Variants in VAV3 observed in about 807,000 individuals in gnomAD.
The protein encoded by VAV3 is vav guanine nucleotide exchange factor 3, also known as guanine nucleotide exchange factor VAV3.
A neutral mutation model predicts 131.2 loss-of-function variants in VAV3; 94 were observed. The observed-to-expected ratio is 0.72, with a 90% CI of 0.61 to 0.85. The LOEUF (loss-of-function observed/expected upper bound fraction) is 0.85, where lower values mean the gene tolerates loss of function less well. Among genes scored for constraint, VAV3 ranks in the 40% least tolerant of loss-of-function variants. The pLI is 0.00. For synonymous variants in VAV3, 349 were observed against 342.0 expected, an observed-to-expected ratio of 1.02 and a Z score of -0.22; for missense variants, 939 against 1,002.7, an observed-to-expected ratio of 0.94 and a Z score of 0.86.
intron 1 of VAV3, among the ~76,000 whole-genome samples, chr1:107,926,689 A>G (rs1488608808): frequency 6.6e-6 from 1 of 152,170 alleles, no homozygotes; most frequent in Admixed American, 6.5e-5. Context: ...TTGCCCCATC[A>G]CAGCAGAAAT....
chr1:107,881,181 G>A (rs1383233821), intron 1 of VAV3, among the ~76,000 whole-genome samples: 1 of 152,058 alleles, frequency 6.6e-6, no homozygotes, highest in Non-Finnish European at 1.5e-5. Flanking sequence ...GACAAGACAA[G>A]GACAACCAGG....
At chr1:107,925,786 T>C (rs376332911) in intron 1 of VAV3, among the ~76,000 whole-genome samples, 30 of 152,126 alleles carry the variant, frequency 2.0e-4, no homozygotes, top group African/African-American at 7.0e-4. Flanking sequence ...TGTGGACACA[T>C]ACTTAATGCT....
At chr1:107,897,718 T>C (rs1211379779) in intron 1 of VAV3, among the ~76,000 whole-genome samples, 4 of 152,134 alleles carry the variant, frequency 2.6e-5, no homozygotes, top group African/African-American at 4.8e-5. Flanking sequence ...TGAGACAGCA[T>C]GCTGGTACTT....
chr1:107,872,543 A>T (rs1386354502), intron 2 of VAV3, among the ~76,000 whole-genome samples: 1 of 152,194 alleles, frequency 6.6e-6, no homozygotes, highest in Non-Finnish European at 1.5e-5. Flanking sequence ...TTTGTTTCTG[A>T]ATTAACACTA....
intron 25 of VAV3, among the ~76,000 whole-genome samples, chr1:107,578,205 A>G (rs1274168142): frequency 6.6e-6 from 1 of 152,208 alleles, no homozygotes; most frequent in African/African-American, 2.4e-5. Flanking sequence ...CATTAATGAC[A>G]GACTTTTCTC....
At chr1:107,893,921 A>C (rs1571105346) in intron 1 of VAV3, among the ~76,000 whole-genome samples, 1 of 152,204 alleles carries the variant, frequency 6.6e-6, no homozygotes, top group East Asian at 1.9e-4. Flanking sequence ...CTTTCATGAA[A>C]TAAATGTCAG....
intron 2 of VAV3, among the ~76,000 whole-genome samples, chr1:107,782,753 G>A (rs1381188490): frequency 3.3e-5 from 5 of 152,140 alleles, no homozygotes; most frequent in East Asian, 3.8e-4. Flanking sequence ...AAGCGTATCC[G>A]GATTTGGAAT....
At chr1:107,753,542 A>ACATATATATATATG (rs1557822167) in intron 12 of VAV3, among the ~76,000 whole-genome samples, 4 of 100,050 alleles carry the variant, frequency 4.0e-5, no homozygotes, top group African/African-American at 7.1e-5. Flanking sequence ...ATATATATAT[A>ACATATATATATATG]TATATATACA....
intron 20 of VAV3, among the ~76,000 whole-genome samples, chr1:107,639,710 G>A (rs943019873): frequency 1.2e-4 from 18 of 152,256 alleles, no homozygotes; most frequent in Admixed American, 1.0e-3. Flanking sequence ...TTGGCAGGCT[G>A]AAGTGGGAGG....
chr1:107,859,626 CA>C (rs779932305), intron 2 of VAV3, among the ~76,000 whole-genome samples: 1 of 152,082 alleles, frequency 6.6e-6, no homozygotes, highest in Non-Finnish European at 1.5e-5. Context: ...CCCTAAATTA[CA>C]GAAAACTAAA....
intron 15 of VAV3, among the ~76,000 whole-genome samples, chr1:107,722,090 C>T (rs896981298): frequency 8.5e-5 from 13 of 152,104 alleles, no homozygotes; most frequent in African/African-American, 2.9e-4. Flanking sequence ...TGACAGTAAA[C>T]GGGGGTTTGA....
chr1:107,722,452 A>G (rs897012220), intron 15 of VAV3, among the ~76,000 whole-genome samples: 1 of 152,220 alleles, frequency 6.6e-6, no homozygotes, highest in Admixed American at 6.5e-5. Flanking sequence ...AAATTGGAAC[A>G]GCCTTGCTGA....
intron 2 of VAV3, among the ~76,000 whole-genome samples, chr1:107,871,261 G>C (rs537192570): frequency 2.6e-5 from 4 of 152,190 alleles, no homozygotes; most frequent in African/African-American, 9.6e-5. Flanking sequence ...GCCAGAAAGA[G>C]ATTCATCTTT....
intron 2 of VAV3, among the ~76,000 whole-genome samples, chr1:107,840,803 G>C (rs1286672650): frequency 2.0e-5 from 3 of 152,064 alleles, no homozygotes; most frequent in Non-Finnish European, 2.9e-5. Flanking sequence ...GTTGGCAACA[G>C]ACCAAGATAT....
chr1:107,846,545 G>C (rs1668979502), intron 2 of VAV3, among the ~76,000 whole-genome samples: 1 of 152,124 alleles, frequency 6.6e-6, no homozygotes. Context: ...GACACACATA[G>C]GCTCAAAATA....
intron 25 of VAV3, among the ~76,000 whole-genome samples, chr1:107,578,512 T>G (rs1434338708): frequency 6.6e-6 from 1 of 152,212 alleles, no homozygotes; most frequent in Non-Finnish European, 1.5e-5. Flanking sequence ...AATCTGGTGC[T>G]AAGATTTCTA....
At chr1:107,899,515 T>C (rs919886476) in intron 1 of VAV3, among the ~76,000 whole-genome samples, 2 of 152,182 alleles carry the variant, frequency 1.3e-5, no homozygotes, top group African/African-American at 4.8e-5. Flanking sequence ...GCACAGATGA[T>C]GGCACAGTTA....
intron 1 of VAV3, among the ~76,000 whole-genome samples, chr1:107,896,354 A>G (rs1035794031): frequency 4.6e-5 from 7 of 150,798 alleles, no homozygotes; most frequent in Admixed American, 1.3e-4. Context: ...CAATCTTCCA[A>G]TCAGGATCAT....
chr1:107,844,234 C>T (rs969911963), intron 2 of VAV3, among the ~76,000 whole-genome samples: 4 of 151,990 alleles, frequency 2.6e-5, no homozygotes, highest in South Asian at 2.1e-4. Context: ...ACTCCCTCCC[C>T]TAGCCAAGGG....
Sources: allele counts gnomAD v4.1 joint callset (sites outside exome capture counted in the v4.1 genomes callset), GRCh38; gene constraint gnomAD v4.1.1; transcripts MANE v1.5; gene names NCBI Gene and HGNC (gene_info 2026-07-23, HGNC 2026-07-21).